GHR: variants seen among roughly 807,000 people sequenced by gnomAD.
The protein encoded by GHR is GH receptor.
Under a neutral mutation model 67.1 loss-of-function variants are expected in GHR, and 35 were observed. The observed-to-expected ratio is 0.52, with a 90% CI of 0.40 to 0.69. GHR has a LOEUF of 0.69. Ranked by LOEUF, GHR falls within the 30% of genes least tolerant of loss-of-function variation. The pLI is 0.00. For synonymous variants in GHR, 272 were observed against 269.1 expected, an observed-to-expected ratio of 1.01 and a Z score of -0.10; for missense variants, 792 against 764.6, an observed-to-expected ratio of 1.04 and a Z score of -0.42.
At chr5:42,711,090 A>G (rs1191731441) in intron 6 of GHR, 117 bp from the exon 7 acceptor site, 4 of 788,586 alleles carry the variant, frequency 5.1e-6, no homozygotes, top group Non-Finnish European at 6.7e-6. Context: ...TGCATTTTAA[A>G]ATATTACCTA....
intron 1 of GHR, among the ~76,000 whole-genome samples, chr5:42,469,534 G>T (rs147094347): frequency 2.1e-3 from 314 of 152,250 alleles, no homozygotes; most frequent in African/African-American, 7.3e-3. Context: ...TGCCAGTCAT[G>T]TCCAAGCCCC....
chr5:42,509,252 C>T (rs1746908867), intron 1 of GHR, among the ~76,000 whole-genome samples: 1 of 152,184 alleles, frequency 6.6e-6, no homozygotes, highest in Admixed American at 6.5e-5. Flanking sequence ...ACTTGTTTCA[C>T]TTTAAATGCA....
chr5:42,568,790 C>G (rs1373469015), intron 2 of GHR, among the ~76,000 whole-genome samples: 2 of 152,086 alleles, frequency 1.3e-5, no homozygotes, highest in African/African-American at 4.8e-5. Context: ...TCAAGATGCC[C>G]TGAAAAAGAA....
chr5:42,611,424 C>T (rs1185241007), intron 2 of GHR, among the ~76,000 whole-genome samples: 1 of 152,116 alleles, frequency 6.6e-6, no homozygotes, highest in Non-Finnish European at 1.5e-5. Flanking sequence ...CTAAATTACT[C>T]TTGCTTACCC....
At chr5:42,716,191 C>T (rs1232164408) in intron 8 of GHR, among the ~76,000 whole-genome samples, 1 of 151,002 alleles carries the variant, frequency 6.6e-6, no homozygotes, top group African/African-American at 2.4e-5. Context: ...AACAAAACAG[C>T]GAAACAGCAG....
At chr5:42,431,890 G>T (rs1230656822) in intron 1 of GHR, among the ~76,000 whole-genome samples, 1 of 152,138 alleles carries the variant, frequency 6.6e-6, no homozygotes, top group Non-Finnish European at 1.5e-5. Flanking sequence ...GTACTTTTAT[G>T]TACTTATCCA....
At chr5:42,674,324 G>C (rs548430351) in intron 3 of GHR, among the ~76,000 whole-genome samples, 1 of 152,184 alleles carries the variant, frequency 6.6e-6, no homozygotes, top group South Asian at 2.1e-4. Context: ...GTGATTTTTT[G>C]CTTTGTATGT....
chr5:42,646,857 A>G (rs896882079), intron 3 of GHR, among the ~76,000 whole-genome samples: 7 of 152,176 alleles, frequency 4.6e-5, no homozygotes, highest in African/African-American at 1.7e-4. Context: ...TCACTGTGGT[A>G]CCAGACTGGG....
At chr5:42,560,972 G>T (rs1437618251) in intron 1 of GHR, among the ~76,000 whole-genome samples, 1 of 152,166 alleles carries the variant, frequency 6.6e-6, no homozygotes, top group Non-Finnish European at 1.5e-5. Context: ...TGATCAATCT[G>T]AGTTCAGAAT....
chr5:42,469,015 T>C (rs559620581), intron 1 of GHR: 1 of 309,744 alleles, frequency 3.2e-6, no homozygotes, highest in East Asian at 6.1e-5. Flanking sequence ...CAAAATGAAT[T>C]TTTAAAGTCT....
In GHR at chr5:42,719,102, A is replaced by G. The variant is rs769700550; in HGVS notation, c.1595A>G (p.Asn532Ser). 1 of 1,614,088 alleles carries G rather than the reference A, an allele frequency of 6.2e-7. No individual in the cohort carries two copies. ...TGCCAAGAAAACTTCCTTATGGACAATGCCTACTTCTGTGAGGCAGATGCC... is the reference window on the plus strand; with the variant it reads ...TGCCAAGAAAACTTCCTTATGGACAGTGCCTACTTCTGTGAGGCAGATGCC... ...SLCQENFLMDNAYFCEADAKK... is the reference protein window; with the variant it reads ...SLCQENFLMDSAYFCEADAKK... The change falls in exon 10 of 10, where the codon AAT (asparagine) becomes AGT (serine). Residue 532 changes from asparagine (N) to serine (S), a missense_variant. Transcript: ENST00000230882.
chr5:42,493,695 C>T (rs1218238921), intron 1 of GHR, among the ~76,000 whole-genome samples: 4 of 152,292 alleles, frequency 2.6e-5, no homozygotes, highest in South Asian at 2.1e-4. Context: ...CTTTTGTATA[C>T]ATATGCCCAA....
At chr5:42,683,475 T>C (rs764384624) in intron 3 of GHR, among the ~76,000 whole-genome samples, 8 of 152,168 alleles carry the variant, frequency 5.3e-5, no homozygotes, top group Non-Finnish European at 1.2e-4. Flanking sequence ...AACCTAATCA[T>C]AGAACTGCCA....
At chr5:42,522,136 C>T (rs1047909011) in intron 1 of GHR, among the ~76,000 whole-genome samples, 10 of 152,074 alleles carry the variant, frequency 6.6e-5, no homozygotes, top group African/African-American at 1.9e-4. Flanking sequence ...TATCATTATT[C>T]TGTTAAAGGG....
intron 1 of GHR, among the ~76,000 whole-genome samples, chr5:42,444,750 A>T (rs1561306857): frequency 6.6e-6 from 1 of 151,936 alleles, no homozygotes; most frequent in Non-Finnish European, 1.5e-5. Context: ...CTTTTCTCTA[A>T]TTTTTTTCAT....
intron 2 of GHR, among the ~76,000 whole-genome samples, chr5:42,590,192 G>A (rs1396957174): frequency 6.6e-6 from 1 of 152,170 alleles, no homozygotes; most frequent in Non-Finnish European, 1.5e-5. Flanking sequence ...ATATGAATAT[G>A]CTTTTGTGTT....
At chr5:42,495,229 T>C (rs1401878906) in intron 1 of GHR, among the ~76,000 whole-genome samples, 1 of 151,966 alleles carries the variant, frequency 6.6e-6, no homozygotes, top group Non-Finnish European at 1.5e-5. Flanking sequence ...TCAGGCCACT[T>C]AGTCTATCTA....
intron 1 of GHR, chr5:42,467,963 C>T (rs1561320749): frequency 7.1e-6 from 5 of 708,628 alleles, no homozygotes; most frequent in East Asian, 2.5e-5. Context: ...TTTCCTTTCC[C>T]TCCTTATTCT....
At chr5:42,457,093 G>A (rs1744294225) in intron 1 of GHR, among the ~76,000 whole-genome samples, 1 of 152,120 alleles carries the variant, frequency 6.6e-6, no homozygotes, top group Non-Finnish European at 1.5e-5. Context: ...GTGATTTACT[G>A]TGGGAAGTCT....
Sources: gnomAD v4.1 joint callset for allele counts (sites outside exome capture counted in the v4.1 genomes callset) on GRCh38, gnomAD v4.1.1 for gene constraint, MANE v1.5 for transcripts, NCBI Gene and HGNC (gene_info 2026-07-23, HGNC 2026-07-21) for gene names.